Variants in HCFC1 observed in about 807,000 individuals in gnomAD.
The protein encoded by HCFC1 is host cell factor C1.
A neutral mutation model predicts 105.5 loss-of-function variants in HCFC1; 7 were observed. That is an observed-to-expected ratio of 0.07 (90% CI 0.04 to 0.12). The LOEUF is 0.12. HCFC1 is among the 10% of genes least tolerant of loss of function. HCFC1 has a pLI of 1.00. For synonymous variants in HCFC1, 918 were observed against 828.1 expected (o/e 1.11, Z -1.86); for missense variants, 1,065 against 1,823.6 (o/e 0.58, Z 7.58).
At chrX:153,970,471 G>A (rs2065518317) in intron 1 of HCFC1, among the ~76,000 whole-genome samples, 177 bp downstream of exon 1, 1 of 94,979 alleles carries the variant, frequency 1.1e-5, no homozygotes, top group Admixed American at 1.1e-4. Flanking sequence ...GACGGGGAGA[G>A]GGGAGAAGGA....
intron 18 of HCFC1, 56 bp from the exon 19 acceptor site, chrX:153,953,014 G>T: frequency 9.7e-7 from 1 of 1,025,647 alleles, no homozygotes. Context: ...GTTGGCTATG[G>T]TCACTGTTAT....
At chrX:153,963,476 G>A (rs1557117552) in intron 3 of HCFC1, 43 bp from the exon 4 acceptor site, 2 of 992,534 alleles carry the variant, frequency 2.0e-6, no homozygotes, top group African/African-American at 1.9e-5. Context: ...GACTCCTCAC[G>A]CCAGAGGCTT....
chrX:153,950,153 GA>G, intron 24 of HCFC1, 89 bp downstream of exon 24: 1 of 969,303 alleles, frequency 1.0e-6, no homozygotes, highest in Non-Finnish European at 1.4e-6. Flanking sequence ...CCGCACATGG[GA>G]AAAAATCTCA....
chrX:153,956,052 G>A, intron 16 of HCFC1, 139 bp downstream of exon 16: 1 of 543,939 alleles, frequency 1.8e-6, no homozygotes, highest in Admixed American at 3.3e-5. Flanking sequence ...TGCCCCAGGT[G>A]AGGAAAGGCC....
At chrX:153,952,320 C>T (rs950494193) in intron 19 of HCFC1, among the ~76,000 whole-genome samples, 162 bp from the exon 20 acceptor site, 20 of 113,742 alleles carry the variant, frequency 1.8e-4, no homozygotes, top group African/African-American at 5.1e-4. Context: ...GTTTCCCAGG[C>T]GCTAACCCCA....
rs1333571625 is a variant in HCFC1 at position 153,971,529 on chromosome X, C to T, written c.-689G>A. 2 of 293,562 alleles carry T rather than the reference C, an allele frequency of 6.8e-6. No individual in the cohort carries two copies. The highest frequency in any genetic ancestry group is 1.2e-5 in the Non-Finnish European group (2 of 168,412). The allele number at this position is 293,562 out of a possible 1,213,427, so 24.2% of individuals were successfully genotyped here. A position where few individuals can be genotyped will look rare whatever the true frequency, so the allele number is the denominator to read the frequency against. Reference sequence around the variant, plus strand: ...GCGCCGTACGGCTTGTGAAGTCTCGCGCCTCTCCCCTTAGTCCGCCTCTGC... The same window carrying T: ...GCGCCGTACGGCTTGTGAAGTCTCGTGCCTCTCCCCTTAGTCCGCCTCTGC... On this transcript the variant is annotated 5_prime_UTR_variant, in exon 1 of 26. Coordinates refer to ENST00000310441, the MANE Select transcript of HCFC1 (RefSeq NM_005334.3).
intron 4 of HCFC1, 34 bp downstream of exon 4, chrX:153,963,191 C>G: frequency 8.9e-7 from 1 of 1,124,390 alleles, no homozygotes; most frequent in African/African-American, 1.8e-5. Context: ...CCCGCTTTGT[C>G]CCATGGCTGC....
At chrX:153,953,536 G>T in intron 18 of HCFC1, 71 bp downstream of exon 18, 1 of 1,053,809 alleles carries the variant, frequency 9.5e-7, no homozygotes, top group Non-Finnish European at 1.3e-6. Context: ...GCGACATCTG[G>T]CGTCTGAGTG....
intron 24 of HCFC1, among the ~76,000 whole-genome samples, chrX:153,950,017 G>A (rs1319080722): frequency 9.0e-6 from 1 of 111,664 alleles, no homozygotes; most frequent in Admixed American, 9.4e-5. Context: ...CCCTCTCACT[G>A]CTTGTCCCCT....
At chrX:153,950,654 T>G in intron 23 of HCFC1, 111 bp from the exon 24 acceptor site, 1 of 869,748 alleles carries the variant, frequency 1.1e-6, no homozygotes, top group East Asian at 3.1e-5. Flanking sequence ...TTCCATGTGG[T>G]AGTTCAAGGA....
chrX:153,966,185 G>A (rs2065472497), intron 1 of HCFC1, among the ~76,000 whole-genome samples: 1 of 111,685 alleles, frequency 9.0e-6, no homozygotes, highest in African/African-American at 3.3e-5. Flanking sequence ...ATCCCGGCCT[G>A]GGCAACAGAG....
chrX:153,953,781 G>A lies in HCFC1; in HGVS notation c.4334-11C>T, dbSNP rs200968392. ...CAGCAGGTGGGGGGTCTGTGGGGGC[G>A]ACAGGCAGGCGGCTGCTCAGCAGGA... On this transcript the variant is annotated splice_polypyrimidine_tract_variant and intron_variant, in intron 17 of 25. Coordinates refer to ENST00000310441, the MANE Select transcript of HCFC1 (RefSeq NM_005334.3). The A allele has an allele frequency of 7.5e-6, 9 of 1,194,518 alleles. No individual in the cohort carries two copies. Among genetic ancestry groups the A allele is most frequent in the Middle Eastern group, 2.7e-4 (1 of 3,763 alleles).
At chrX:153,952,395 C>T in intron 19 of HCFC1, 119 bp downstream of exon 19, 10 of 903,329 alleles carry the variant, frequency 1.1e-5, no homozygotes, top group Non-Finnish European at 1.3e-5. Context: ...TGCTCGTCCT[C>T]CCCATCACAT....
intron 1 of HCFC1, among the ~76,000 whole-genome samples, chrX:153,968,244 C>T (rs1244488779): frequency 9.0e-6 from 1 of 111,481 alleles, no homozygotes; most frequent in Non-Finnish European, 1.9e-5. Flanking sequence ...CAGTAGCTAC[C>T]CTAAGAGCTC....
rs937956114 is a variant in HCFC1 at position 153,971,079 on chromosome X, C to T, written c.-239G>A. On this transcript the variant is annotated 5_prime_UTR_variant, in exon 1 of 26. Coordinates refer to ENST00000310441, the MANE Select transcript of HCFC1 (RefSeq NM_005334.3). ...CCCGAAACTGTCGAGCGCCTAGGCT[C>T]AAGAAGCTGGAGGCCGCTGAGTCCC... is the stretch of plus-strand genomic sequence containing the variant. 5 of 362,577 alleles carry T rather than the reference C, an allele frequency of 1.4e-5. No homozygotes were observed. The highest frequency in any genetic ancestry group is 2.7e-5 in the African/African-American group (1 of 37,165). The allele number at this position is 362,577 out of a possible 1,213,427, so 29.9% of individuals were successfully genotyped here.
chrX:153,962,082 C>A, intron 5 of HCFC1, 140 bp downstream of exon 5: 1 of 476,027 alleles, frequency 2.1e-6, no homozygotes. Flanking sequence ...AATGGAAAAA[C>A]AGGGCTGCCA....
intron 5 of HCFC1, 37 bp downstream of exon 5, chrX:153,962,185 G>A: frequency 9.1e-7 from 1 of 1,100,805 alleles, no homozygotes; most frequent in South Asian, 1.9e-5. Flanking sequence ...GGCCACGCCA[G>A]TCTAGAGAAG....
At position 153,951,375 on chromosome X, in the gene HCFC1, G is replaced by A. The variant is rs1557112393; in HGVS notation, c.5492C>T (p.Pro1831Leu). ...TNVMVTHYFL[P>L]PDDAVPSDDD... ...GTCTGATGGGACAGCATCATCTGGT[G>A]GCAGGAAATAGTGTGTCACCATTAC... Residue 1831 changes from proline to leucine, a missense_variant, in exon 22 of 26, where the codon CCA becomes CTA. Physicochemically the swap from Pro to Leu is moderately conservative, Grantham distance 98 (BLOSUM62 -3). Around this residue, in one of 17 missense-constraint regions of HCFC1, gnomAD observed 17 missense variants for 30.5 expected, o/e 0.56. Transcript: ENST00000310441. 8.3e-7 allele frequency: 1 copy of A among 1,211,314 alleles called. No individual in the cohort carries two copies. The highest frequency in any genetic ancestry group is 1.1e-6 in the Non-Finnish European group (1 of 895,095).
intron 1 of HCFC1, 63 bp downstream of exon 1, chrX:153,970,585 G>GGA (rs1370384025): frequency 1.2e-5 from 10 of 809,746 alleles, no homozygotes; most frequent in African/African-American, 2.2e-5. Context: ...GGAGGAAAGA[G>GGA]GAGGGAGAGG....
Sources: gnomAD v4.1 joint callset for allele counts (sites outside exome capture counted in the v4.1 genomes callset) on GRCh38, gnomAD v4.1.1 for gene constraint, gnomAD v4.1.1 regional missense constraint, MANE v1.5 for transcripts, NCBI Gene and HGNC (gene_info 2026-07-23, HGNC 2026-07-21) for gene names.